The following CTNNA2 variants were observed in gnomAD, a reference collection of about 807,000 sequenced individuals.
CTNNA2 encodes the protein catenin alpha 2, also known as catenin alpha-2.
CTNNA2 carries 42 observed loss-of-function variants against 101.0 expected under a neutral mutation model. That is an observed-to-expected ratio of 0.42 (90% CI 0.32 to 0.54). The LOEUF (loss-of-function observed/expected upper bound fraction) is 0.54. Ranked by LOEUF, CTNNA2 falls within the 20% of genes least tolerant of loss-of-function variation. CTNNA2 has a pLI of 0.14. For missense variants in CTNNA2, 871 were observed against 1,223.1 expected (o/e 0.71, Z 4.29); for synonymous variants, 450 against 456.4 (o/e 0.99, Z 0.18).
intron 7 of CTNNA2, among the ~76,000 whole-genome samples, chr2:80,035,025 C>A (rs975740782): frequency 6.6e-6 from 1 of 152,112 alleles, no homozygotes; most frequent in Admixed American, 6.5e-5. Context: ...AGGGAAAAAT[C>A]CAGTGTCCAT....
intron 3 of CTNNA2, among the ~76,000 whole-genome samples, chr2:79,823,167 T>C (rs1678152738): frequency 6.6e-6 from 1 of 152,234 alleles, no homozygotes. Flanking sequence ...GCTTTCTGGC[T>C]TCTCTGCCTG....
At chr2:79,568,504 G>A (rs922790466) in intron 1 of CTNNA2, among the ~76,000 whole-genome samples, 6 of 152,048 alleles carry the variant, frequency 3.9e-5, no homozygotes, top group African/African-American at 1.4e-4. Flanking sequence ...TCAAGAGGCT[G>A]AGGTGGGAAA....
intron 4 of CTNNA2, among the ~76,000 whole-genome samples, chr2:79,861,882 C>G (rs1203498713): frequency 6.6e-6 from 1 of 152,136 alleles, no homozygotes; most frequent in East Asian, 1.9e-4. Flanking sequence ...GAATTATAAT[C>G]AATTTTATTG....
chr2:79,673,634 G>A (rs542189687), intron 2 of CTNNA2, among the ~76,000 whole-genome samples: 1 of 152,202 alleles, frequency 6.6e-6, no homozygotes, highest in East Asian at 1.9e-4. Flanking sequence ...GTAAATAAAT[G>A]AATGACCATT....
At chr2:80,463,112 C>A (rs1288883789) in intron 9 of CTNNA2, among the ~76,000 whole-genome samples, 1 of 152,134 alleles carries the variant, frequency 6.6e-6, no homozygotes, top group African/African-American at 2.4e-5. Context: ...CCATCTCTGA[C>A]CTTTTTCTGA....
chr2:80,418,128 G>A (rs1294524251), intron 8 of CTNNA2, among the ~76,000 whole-genome samples: 2 of 152,050 alleles, frequency 1.3e-5, no homozygotes, highest in East Asian at 1.9e-4. Flanking sequence ...AGAGAGCCAC[G>A]GCAGGTCAAT....
rs955707884 is a variant in CTNNA2, at chr2:80,595,878, G to GT, written c.2189+6400dup. ...TTTGTTTCACATGAAATTTAAAGTA[G>GT]TTTTTTTCTAATTCTGTGAAGAAAG... is the stretch of plus-strand genomic sequence containing the variant. On this transcript the variant is annotated intron_variant, in intron 15 of 18. Transcript: ENST00000402739. Among the ~76,000 whole-genome samples, 25 of 152,110 alleles carry GT rather than the reference G, an allele frequency of 1.6e-4. 1 individual carries two copies. The South Asian group carries it at 2.3e-3, about 14-fold the overall frequency.
At chr2:80,505,872 C>T (rs1320666105) in intron 9 of CTNNA2, among the ~76,000 whole-genome samples, 1 of 152,130 alleles carries the variant, frequency 6.6e-6, no homozygotes, top group East Asian at 1.9e-4. Flanking sequence ...AAGTGCTATA[C>T]CTTTTTTGAG....
chr2:79,739,205 G>T (rs1391756228), intron 2 of CTNNA2, among the ~76,000 whole-genome samples: 4 of 151,972 alleles, frequency 2.6e-5, no homozygotes, highest in Admixed American at 2.6e-4. Flanking sequence ...AGAATCCCTG[G>T]TTGGGGCAGA....
chr2:79,748,263 G>A lies in CTNNA2; in HGVS notation c.298+3681G>A, dbSNP rs540672365. On this transcript the variant is annotated intron_variant, in intron 3 of 18. Transcript: ENST00000402739. ...GAGAGGTAGAGAGAAAAGAGCTTGT[G>A]GGGAAGGAATATGGAATGGGGCAAG... Among the ~76,000 whole-genome samples the A allele has an allele frequency of 3.0e-3, 464 of 152,284 alleles. 1 individual carries two copies. Among genetic ancestry groups the A allele is most frequent in the African/African-American group, 0.011 (445 of 41,568 alleles).
At chr2:80,239,048 C>T (rs1472899612) in intron 7 of CTNNA2, among the ~76,000 whole-genome samples, 6 of 152,168 alleles carry the variant, frequency 3.9e-5, no homozygotes, top group African/African-American at 1.4e-4. Context: ...TTCACTTAAA[C>T]AATTCATCCA....
chr2:79,818,681 T>C (rs1294940900), intron 3 of CTNNA2, among the ~76,000 whole-genome samples: 2 of 151,828 alleles, frequency 1.3e-5, no homozygotes, highest in African/African-American at 4.8e-5. Context: ...AACCCTGAAA[T>C]CTTGAATTTT....
chr2:79,251,270 A>G (rs1276507504), intron 2 of CTNNA2, among the ~76,000 whole-genome samples: 2 of 152,110 alleles, frequency 1.3e-5, no homozygotes, highest in Admixed American at 6.5e-5. Flanking sequence ...TTACTGATCC[A>G]TGATTCAAAA....
intron 7 of CTNNA2, among the ~76,000 whole-genome samples, chr2:80,143,137 T>G (rs1703114989): frequency 6.6e-6 from 1 of 152,194 alleles, no homozygotes; most frequent in Admixed American, 6.5e-5. Context: ...TAGGTGCCAG[T>G]GCTGAATGGA....
At chr2:79,772,992 G>C (rs912465871) in intron 3 of CTNNA2, among the ~76,000 whole-genome samples, 3 of 152,072 alleles carry the variant, frequency 2.0e-5, no homozygotes, top group African/African-American at 7.3e-5. Context: ...TCTGGGATTA[G>C]ATAGGTTTAG....
chr2:79,635,989 C>T (rs1231502831), intron 1 of CTNNA2, among the ~76,000 whole-genome samples: 33 of 149,036 alleles, frequency 2.2e-4, no homozygotes, highest in African/African-American at 7.4e-4. Flanking sequence ...GGGCCGGGTG[C>T]GGTGGCTCAC....
At chr2:79,430,563 G>T (rs1438732507) in intron 4 of CTNNA2, among the ~76,000 whole-genome samples, 1 of 152,142 alleles carries the variant, frequency 6.6e-6, no homozygotes, top group Non-Finnish European at 1.5e-5. Context: ...CCATGTGTTT[G>T]TGTTATACTG....
chr2:80,058,077 A>T (rs1697346012), intron 7 of CTNNA2, among the ~76,000 whole-genome samples: 1 of 152,230 alleles, frequency 6.6e-6, no homozygotes, highest in South Asian at 2.1e-4. Flanking sequence ...AGTGGCCTCC[A>T]GAAGCAGCTG....
intron 7 of CTNNA2, among the ~76,000 whole-genome samples, chr2:80,154,098 T>A (rs11895363): frequency 0.13 from 20,522 of 152,192 alleles, 3,436 homozygotes; most frequent in African/African-American, 0.4. Context: ...ATTAGTACTT[T>A]ATAAATATTA....
Sources: allele counts gnomAD v4.1 joint callset (sites outside exome capture counted in the v4.1 genomes callset), GRCh38; gene constraint gnomAD v4.1.1; transcripts MANE v1.5; gene names NCBI Gene and HGNC (gene_info 2026-07-23, HGNC 2026-07-21).